The following MGAT4C variants were observed in gnomAD, a reference collection of about 807,000 sequenced individuals.
MGAT4C encodes alpha-1,3-mannosyl-glycoprotein 4-beta-N-acetylglucosaminyltransferase C.
Under a neutral mutation model 40.1 loss-of-function variants are expected in MGAT4C, and 19 were observed. That is an observed-to-expected ratio of 0.47 (90% CI 0.33 to 0.70). The LOEUF (loss-of-function observed/expected upper bound fraction) is 0.70. Among genes scored for constraint, MGAT4C ranks in the 30% least tolerant of loss-of-function variants. MGAT4C has a pLI of 0.02. For synonymous variants in MGAT4C, 181 were observed against 187.1 expected (o/e 0.97, Z 0.27); for missense variants, 491 against 563.2 (o/e 0.87, Z 1.30).
chr12:86,289,289 A>G (rs1348647386), intron 4 of MGAT4C, among the ~76,000 whole-genome samples: 2 of 152,150 alleles, frequency 1.3e-5, no homozygotes, highest in Admixed American at 1.3e-4. Flanking sequence ...TACCAATACC[A>G]AGCTGTTTTG....
chr12:86,455,086 A>G (rs1006324507), intron 2 of MGAT4C, among the ~76,000 whole-genome samples: 1 of 152,082 alleles, frequency 6.6e-6, no homozygotes, highest in Non-Finnish European at 1.5e-5. Context: ...TTATTATTTA[A>G]TTTAGGATGC....
intron 2 of MGAT4C, among the ~76,000 whole-genome samples, chr12:86,689,896 T>G (rs1220747780): frequency 6.6e-6 from 1 of 152,198 alleles, no homozygotes; most frequent in Non-Finnish European, 1.5e-5. Context: ...TGTTTAAGTC[T>G]GCTGAAGCTT....
chr12:86,081,405 C>T (rs567039299), intron 1 of MGAT4C, among the ~76,000 whole-genome samples: 11 of 152,174 alleles, frequency 7.2e-5, no homozygotes, highest in African/African-American at 2.6e-4. Flanking sequence ...AATTAGGGAC[C>T]TCATTTTAAT....
chr12:86,087,220 G>A (rs990488854), intron 1 of MGAT4C, among the ~76,000 whole-genome samples: 2 of 151,938 alleles, frequency 1.3e-5, no homozygotes, highest in Admixed American at 6.6e-5. Context: ...TCTATCTCCA[G>A]TGTTTTTGAA....
intron 2 of MGAT4C, among the ~76,000 whole-genome samples, chr12:86,641,118 C>T (rs1963369666): frequency 6.6e-6 from 1 of 151,732 alleles, no homozygotes; most frequent in South Asian, 2.1e-4. Context: ...TGGAACCAAC[C>T]CAAATGTCCA....
intron 1 of MGAT4C, among the ~76,000 whole-genome samples, chr12:86,181,604 G>A (rs1344061737): frequency 1.3e-5 from 2 of 152,188 alleles, no homozygotes; most frequent in Admixed American, 1.3e-4. Context: ...AACAACTTAT[G>A]TAAGCAATTC....
chr12:86,053,109 C>G (rs1452070726), intron 1 of MGAT4C, among the ~76,000 whole-genome samples: 1 of 151,778 alleles, frequency 6.6e-6, no homozygotes, highest in East Asian at 1.9e-4. Flanking sequence ...CCTCAGCCTA[C>G]ACATGTGAAT....
chr12:86,161,407 A>C (rs1342916736), intron 1 of MGAT4C, among the ~76,000 whole-genome samples: 3 of 152,168 alleles, frequency 2.0e-5, no homozygotes, highest in African/African-American at 4.8e-5. Context: ...GCAATAAGAA[A>C]AGGAATCTCT....
intron 2 of MGAT4C, among the ~76,000 whole-genome samples, chr12:86,523,099 G>A (rs1393160673): frequency 6.6e-6 from 1 of 151,876 alleles, no homozygotes; most frequent in African/African-American, 2.4e-5. Flanking sequence ...ATCTCCTTCA[G>A]TTCAGCTCTG....
chr12:86,120,079 T>G (rs1053253124), intron 1 of MGAT4C, among the ~76,000 whole-genome samples: 1 of 151,764 alleles, frequency 6.6e-6, no homozygotes, highest in Non-Finnish European at 1.5e-5. Flanking sequence ...AGCTCAACTT[T>G]CCTGGGCCTC....
At chr12:86,233,040 T>A (rs1379835823) in intron 1 of MGAT4C, among the ~76,000 whole-genome samples, 1 of 152,202 alleles carries the variant, frequency 6.6e-6, no homozygotes, top group Admixed American at 6.5e-5. Flanking sequence ...GGTGAAAAGA[T>A]TCAATGAGGC....
chr12:86,560,076 A>G (rs1312628636), intron 2 of MGAT4C, among the ~76,000 whole-genome samples: 1 of 152,052 alleles, frequency 6.6e-6, no homozygotes, highest in Non-Finnish European at 1.5e-5. Flanking sequence ...CTGGACACAT[A>G]AAACCTACCA....
chr12:86,044,489 A>G (rs1032550491), intron 2 of MGAT4C, among the ~76,000 whole-genome samples: 2 of 152,114 alleles, frequency 1.3e-5, no homozygotes, highest in Non-Finnish European at 2.9e-5. Flanking sequence ...ATGCACACAC[A>G]TATTCTGGCA....
At chr12:86,076,099 C>T (rs888382139) in intron 1 of MGAT4C, among the ~76,000 whole-genome samples, 3 of 152,210 alleles carry the variant, frequency 2.0e-5, no homozygotes, top group Admixed American at 6.5e-5. Context: ...GCACCCAAGT[C>T]ACCACTTGAA....
chr12:86,225,364 A>G (rs1484448177), intron 1 of MGAT4C, among the ~76,000 whole-genome samples: 2 of 152,088 alleles, frequency 1.3e-5, no homozygotes, highest in Admixed American at 6.5e-5. Flanking sequence ...AGACGAGTCA[A>G]ACAAAGAGAA....
chr12:86,828,788 T>C (rs1172928978), intron 1 of MGAT4C, among the ~76,000 whole-genome samples: 2 of 151,502 alleles, frequency 1.3e-5, no homozygotes, highest in East Asian at 1.9e-4. Context: ...ATTCTATTTA[T>C]GTGAAACGTC....
At chr12:86,339,118 T>A (rs1954852707) in intron 3 of MGAT4C, among the ~76,000 whole-genome samples, 1 of 152,170 alleles carries the variant, frequency 6.6e-6, no homozygotes, top group African/African-American at 2.4e-5. Flanking sequence ...GTTATTATTG[T>A]TATCCCTATT....
chr12:85,976,624 A>G lies in MGAT4C; in HGVS notation c.*2665T>C, dbSNP rs73176276. 85 of 146,242 alleles carry G rather than the reference A, an allele frequency of 5.8e-4. No individual in the cohort carries two copies. Among genetic ancestry groups the G allele is most frequent in the Non-Finnish European group, 1.0e-3 (68 of 66,494 alleles). The allele number at this position is 146,242 out of a possible 1,614,324, so 9.1% of individuals were successfully genotyped here. A position where few individuals can be genotyped will look rare whatever the true frequency, so the allele number is the denominator to read the frequency against. On this transcript the variant is annotated 3_prime_UTR_variant, in exon 5 of 5. Coordinates refer to ENST00000611864, the MANE Select transcript of MGAT4C (RefSeq NM_001351288.2). ...TCATGTCTCATGCCAGTCTTTTTCA[A>G]TTGTTATTTTTAACAAAGAAAATTA...
At chr12:86,146,833 CT>C (rs10709270) in intron 1 of MGAT4C, among the ~76,000 whole-genome samples, 23,680 of 150,278 alleles carry the variant, frequency 0.16, 3,003 homozygotes, top group African/African-American at 0.33. Context: ...TAATTCTCTC[CT>C]TTTTTTTTTT....
Sources: gnomAD v4.1 joint callset for allele counts (sites outside exome capture counted in the v4.1 genomes callset) on GRCh38, gnomAD v4.1.1 for gene constraint, MANE v1.5 for transcripts, NCBI Gene and HGNC (gene_info 2026-07-23, HGNC 2026-07-21) for gene names.